ALDH3A2: variants seen among roughly 807,000 people sequenced by gnomAD.
ALDH3A2 encodes aldehyde dehydrogenase family 3 member A2.
In ALDH3A2, 36 loss-of-function variants were observed where a neutral mutation model predicts 51.3. That is an observed-to-expected ratio of 0.70 (90% CI 0.54 to 0.93). The LOEUF is 0.93. ALDH3A2 is among the 40% of genes least tolerant of loss of function. The pLI, the probability that ALDH3A2 is intolerant of heterozygous loss-of-function variation, is 0.00. For synonymous variants in ALDH3A2, 199 were observed against 219.8 expected, an observed-to-expected ratio of 0.91 and a Z score of 0.84; for missense variants, 552 against 603.1, an observed-to-expected ratio of 0.92 and a Z score of 0.89.
chr17:19,673,319 T>C, intron 9 of ALDH3A2: 1 of 1,604,966 alleles, frequency 6.2e-7, no homozygotes, highest in Non-Finnish European at 8.5e-7. Flanking sequence ...GTGGGCCAAG[T>C]TGGGGTATGT....
chr17:19,656,743 C>T (rs372212767), intron 4 of ALDH3A2, among the ~76,000 whole-genome samples, 169 bp downstream of exon 4: 10 of 152,232 alleles, frequency 6.6e-5, no homozygotes, highest in South Asian at 4.1e-4. Flanking sequence ...TGTCTCTTGG[C>T]GCCACTGTCA....
Position 19,654,928 on chromosome 17 carries a change from A to G in ALDH3A2, c.472-1438A>G, listed in dbSNP as rs1214050266. ...AAAGACATGTCTGTGGCATGAAAAC[A>G]TGCCACACATACACAAAAAGTGCCC... On this transcript the variant is annotated intron_variant, in intron 3 of 9. Coordinates refer to ENST00000176643, the MANE Select transcript of ALDH3A2 (RefSeq NM_000382.3). The surrounding 1 kb of genome is among the most constrained non-coding windows in gnomAD (Gnocchi z 4.5). Among the ~76,000 whole-genome samples the G allele has an allele frequency of 6.6e-6, 1 of 152,220 alleles. No homozygotes were observed. The highest frequency in any genetic ancestry group is 1.9e-4 in the East Asian group (1 of 5,194).
chr17:19,664,708 CTTTTG>C (rs1315453757), intron 7 of ALDH3A2, among the ~76,000 whole-genome samples: 1 of 152,150 alleles, frequency 6.6e-6, no homozygotes, highest in Non-Finnish European at 1.5e-5. Flanking sequence ...GAGCTGCCTC[CTTTTG>C]TGCACTAGAT....
At position 19,648,826 on chromosome 17, in the gene ALDH3A2, G is replaced by T; in HGVS notation, c.-146G>T. ...GTCGCGGCTGAGCGAGCGAGCCCTG[G>T]GCGAGTGAATTGTGGCTGTGGGTTG... On this transcript the variant is annotated 5_prime_UTR_variant, in exon 1 of 10. Transcript: ENST00000176643. 2 of 1,139,040 alleles carry T rather than the reference G, an allele frequency of 1.8e-6. No individual in the cohort carries two copies. The highest frequency in any genetic ancestry group is 2.2e-5 in the Admixed American group (1 of 45,778). The allele number at this position is 1,139,040 out of a possible 1,614,324, so 70.6% of individuals were successfully genotyped here.
At chr17:19,673,352 TTTTG>T (rs2085145161) in intron 9 of ALDH3A2, 1 of 1,372,052 alleles carries the variant, frequency 7.3e-7, no homozygotes, top group Non-Finnish European at 9.6e-7. Context: ...TTTGGTTTGT[TTTTG>T]TTTTTGTTTT....
In ALDH3A2 at chr17:19,649,228, T is replaced by C; in HGVS notation, c.153+104T>C. ...TTTTTGCTTTTACATTTCGGATTAC[T>C]CCAGCACTGGGAGTATGATCTCCAG... is the stretch of plus-strand genomic sequence containing the variant. On this transcript the variant is annotated intron_variant, in intron 1 of 9. Transcript: ENST00000176643. The C allele has an allele frequency of 2.1e-6, 3 of 1,429,984 alleles. No homozygotes were observed. The Admixed American group carries it at 6.5e-5, about 31-fold the overall frequency. The allele number at this position is 1,429,984 out of a possible 1,614,324, so 88.6% of individuals were successfully genotyped here.
In ALDH3A2 at chr17:19,656,300, G is replaced by C. The variant is rs148429983; in HGVS notation, c.472-66G>C. On this transcript the variant is annotated intron_variant, in intron 3 of 9. Transcript: ENST00000176643. ...GAATGTTACATGTTTATGTTGAAGA[G>C]ATTGCTGATGTTAGACGTTAGGATT... 4.8e-5 allele frequency: 64 copies of C among 1,345,296 alleles called. No homozygotes were observed. The African/African-American group carries it at 7.9e-4, about 17-fold the overall frequency. 83.3% of individuals were successfully genotyped at this position (1,345,296 alleles called of 1,614,324 possible).
At position 19,657,819 on chromosome 17, in the gene ALDH3A2, C is replaced by A. The variant is rs1342231256; in HGVS notation, c.755C>A (p.Ser252Tyr). The A allele has an allele frequency of 6.2e-7, 1 of 1,613,724 alleles. No individual in the cohort carries two copies. Among genetic ancestry groups the A allele is most frequent in the South Asian group, 1.1e-5 (1 of 91,054 alleles). The change falls in exon 5 of 10, where the codon TCC (serine) becomes TAC (tyrosine). Residue 252 changes from serine to tyrosine, a missense_variant. Transcript: ENST00000176643. ...CCCGACTATATTCTCTGTGAAGCAT[C>A]CCTCCAAAATCAAATTGTATGGAAG... is the stretch of plus-strand genomic sequence containing the variant. ...IAPDYILCEA[S>Y]LQNQIVWKIK...
chr17:19,652,895 G>C (rs2084836595), intron 3 of ALDH3A2, among the ~76,000 whole-genome samples: 1 of 151,810 alleles, frequency 6.6e-6, no homozygotes, highest in Admixed American at 6.6e-5. Flanking sequence ...TGGGATTTGG[G>C]GTTAATTTTT....
At chr17:19,665,376 C>CGTGTGTGTGTGTGTGTGTGT (rs34642385) in intron 8 of ALDH3A2, among the ~76,000 whole-genome samples, 25 of 145,030 alleles carry the variant, frequency 1.7e-4, no homozygotes, top group Middle Eastern at 7.0e-3. Context: ...GATCTCTCTT[C>CGTGTGTGTGTGTGTGTGTGT]GTGTGTGTGT....
intron 4 of ALDH3A2, among the ~76,000 whole-genome samples, chr17:19,656,887 A>G (rs1284889525): frequency 6.6e-6 from 1 of 152,242 alleles, no homozygotes; most frequent in Non-Finnish European, 1.5e-5. Flanking sequence ...TCTGTGAAGT[A>G]CATAATCCAA....
chr17:19,665,834 C>A lies in ALDH3A2; in HGVS notation c.1207+787C>A, dbSNP rs532412141. On this transcript the variant is annotated intron_variant, in intron 8 of 9. Coordinates refer to ENST00000176643, the MANE Select transcript of ALDH3A2 (RefSeq NM_000382.3). Reference sequence around the variant, plus strand: ...CATAACAAAAACCCAACCAGAAAAGCCACTGTCTTAAAGCCCTGTTCTATC... The same window carrying A: ...CATAACAAAAACCCAACCAGAAAAGACACTGTCTTAAAGCCCTGTTCTATC... 2.6e-5 allele frequency among the ~76,000 whole-genome samples: 4 copies of A among 152,270 alleles called. No individual in the cohort carries two copies. The East Asian group carries it at 7.7e-4, about 29-fold the overall frequency.
At chr17:19,667,929 G>A (rs1405365983) in intron 8 of ALDH3A2, among the ~76,000 whole-genome samples, 2 of 152,114 alleles carry the variant, frequency 1.3e-5, no homozygotes, top group African/African-American at 4.8e-5. Flanking sequence ...GCAGATTTCT[G>A]CCACTTTATA....
Position 19,672,859 on chromosome 17 carries a change from G to A in ALDH3A2, c.1443+903G>A, listed in dbSNP as rs530128066. ...AGTTCAAGACCAGCCTGACCAATAT[G>A]GTGAAACCCTGTCTCTACTAAAAAT... On this transcript the variant is annotated intron_variant, in intron 9 of 9. Transcript: ENST00000176643. 3.3e-5 allele frequency among the ~76,000 whole-genome samples: 5 copies of A among 152,202 alleles called. No individual in the cohort carries two copies. The East Asian group carries it at 9.7e-4, about 29-fold the overall frequency.
At chr17:19,671,195 A>G (rs2085107854) in intron 8 of ALDH3A2, among the ~76,000 whole-genome samples, 1 of 152,148 alleles carries the variant, frequency 6.6e-6, no homozygotes, top group South Asian at 2.1e-4. Flanking sequence ...CTTACTTTCC[A>G]CAGGCTTTGA....
At position 19,663,319 on chromosome 17, in the gene ALDH3A2, T is replaced by G; in HGVS notation, c.941-14T>G. On this transcript the variant is annotated splice_polypyrimidine_tract_variant and intron_variant, in intron 6 of 9. Transcript: ENST00000176643. ...GTCTAATAAGCATTTTCATTTTGTT[T>G]ATTTTCTTTTTAGCCCCAACAGTAC... is the stretch of plus-strand genomic sequence containing the variant. 1 of 1,613,640 alleles carries G rather than the reference T, an allele frequency of 6.2e-7. No individual in the cohort carries two copies. The highest frequency in any genetic ancestry group is 8.5e-7 in the Non-Finnish European group (1 of 1,179,776).
chr17:19,663,610 G>A (rs2084997881), intron 7 of ALDH3A2, 111 bp downstream of exon 7: 3 of 1,329,004 alleles, frequency 2.3e-6, no homozygotes, highest in Non-Finnish European at 3.1e-6. Context: ...GGTTTCTTTT[G>A]TGTCATGTCA....
chr17:19,656,884 A>G (rs1353802610), intron 4 of ALDH3A2, among the ~76,000 whole-genome samples: 1 of 152,238 alleles, frequency 6.6e-6, no homozygotes, highest in Non-Finnish European at 1.5e-5. Flanking sequence ...TGATCTGTGA[A>G]GTACATAATC....
intron 3 of ALDH3A2, among the ~76,000 whole-genome samples, chr17:19,653,698 C>A (rs1287363488): frequency 1.3e-5 from 2 of 152,152 alleles, no homozygotes; most frequent in African/African-American, 2.4e-5. Flanking sequence ...AGTGCGGACC[C>A]AGAGTGAGCA....
Sources: gnomAD v4.1 joint callset for allele counts (sites outside exome capture counted in the v4.1 genomes callset) on GRCh38, gnomAD v4.1.1 for gene constraint, Gnocchi (gnomAD v3.1) non-coding constraint, MANE v1.5 for transcripts, NCBI Gene and HGNC (gene_info 2026-07-23, HGNC 2026-07-21) for gene names.